CEP250: variants seen among roughly 807,000 people sequenced by gnomAD.
CEP250 encodes the protein centrosomal protein 250.
Under a neutral mutation model 315.7 loss-of-function variants are expected in CEP250, and 242 were observed. The ratio of observed to expected loss-of-function variants is 0.77; its 90% CI spans 0.69 to 0.85. The LOEUF is 0.85. CEP250 is among the 40% of genes least tolerant of loss of function. The probability of loss-of-function intolerance (pLI) is 0.00; values close to 1 mark genes in which losing one functional copy is unlikely to be tolerated. For synonymous variants in CEP250, 1,088 were observed against 1,175.0 expected, an observed-to-expected ratio of 0.93 and a Z score of 1.51; for missense variants, 2,515 against 2,886.4, an observed-to-expected ratio of 0.87 and a Z score of 2.95.
intron 23 of CEP250, among the ~76,000 whole-genome samples, 175 bp downstream of exon 23, chr20:35,493,747 C>T (rs2063761434): frequency 1.3e-5 from 2 of 152,180 alleles, no homozygotes; most frequent in Admixed American, 6.5e-5. Flanking sequence ...GAGCATGTGC[C>T]TGGCAGAGCC....
At position 35,475,508 on chromosome 20, in the gene CEP250, G is replaced by A. The variant is rs780153353; in HGVS notation, c.1578G>A (p.Glu526=). 7.4e-6 allele frequency: 12 copies of A among 1,614,078 alleles called. No individual in the cohort carries two copies. In the East Asian group the frequency reaches 2.7e-4, roughly 36 times the overall value. The change falls in exon 15 of 35, where the codon GAG becomes GAA. Residue 526 remains glutamate (E), a synonymous_variant. Coordinates refer to ENST00000397527, the MANE Select transcript of CEP250 (RefSeq NM_007186.6). ...LAVRERERLQ[E]MLMGLEAKQS... ...CCTCTCTTTCCCATCTTAGTCAGGA[G>A]ATGCTGATGGGCCTGGAAGCCAAAC...
At chr20:35,460,919 TAGC>T (rs766515462) in intron 3 of CEP250, among the ~76,000 whole-genome samples, 14 of 152,194 alleles carry the variant, frequency 9.2e-5, no homozygotes, top group Non-Finnish European at 1.5e-4. Context: ...ACTCATGGAT[TAGC>T]AGAGAAAATA....
intron 22 of CEP250, 138 bp downstream of exon 22, chr20:35,491,484 A>G: frequency 2.0e-6 from 2 of 979,612 alleles, no homozygotes; most frequent in South Asian, 1.6e-5. Flanking sequence ...AAGGTATGGC[A>G]CAGGCTGGGC....
intron 16 of CEP250, among the ~76,000 whole-genome samples, chr20:35,477,465 T>C (rs2063206273): frequency 1.3e-5 from 2 of 152,198 alleles, no homozygotes; most frequent in African/African-American, 4.8e-5. Flanking sequence ...TAAGTCTAGG[T>C]TGTTAATCCT....
chr20:35,479,332 G>T lies in CEP250; in HGVS notation c.2196G>T (p.Glu732Asp), dbSNP rs1200138081. ...EVLARAVQEK[E>D]ALVREKAALE... is the part of the protein sequence containing the mutation. ...TTGCCAGGGCAGTCCAGGAGAAGGA[G>T]GCCCTAGTACGAGAGAAAGCGGCTC... is the stretch of plus-strand genomic sequence containing the variant. The change falls in exon 18 of 35, where the codon GAG becomes GAT. Residue 732 changes from glutamate to aspartate, a missense_variant. By Grantham distance (45) the Glu-to-Asp change is conservative (BLOSUM62 2). Transcript: ENST00000397527. 1 of 1,614,228 alleles carries T rather than the reference G, an allele frequency of 6.2e-7. No homozygotes were observed. Among genetic ancestry groups the T allele is most frequent in the South Asian group, 1.1e-5 (1 of 91,088 alleles).
chr20:35,498,819 T>C (rs1319313601), intron 27 of CEP250, 103 bp downstream of exon 27: 27 of 1,349,526 alleles, frequency 2.0e-5, no homozygotes, highest in Non-Finnish European at 2.7e-5. Context: ...TGAGATCAAG[T>C]TGGGATGAGT....
intron 11 of CEP250, 148 bp from the exon 12 acceptor site, chr20:35,472,525 C>A (rs902072963): frequency 8.6e-6 from 7 of 809,480 alleles, no homozygotes; most frequent in Non-Finnish European, 1.2e-5. Flanking sequence ...AGGAACCAGA[C>A]TTTTATGCTC....
intron 9 of CEP250, 70 bp from the exon 10 acceptor site, chr20:35,469,820 G>A (rs1489888047): frequency 3.0e-6 from 3 of 999,002 alleles, no homozygotes; most frequent in Non-Finnish European, 4.5e-6. Context: ...TGGGGCTGGG[G>A]TGTGCTGCAT....
rs942925259 is a variant in CEP250, at chr20:35,467,599, C to G, written c.851+44C>G. 10 of 1,599,398 alleles carry G rather than the reference C, an allele frequency of 6.3e-6. No individual in the cohort carries two copies. In the African/African-American group the frequency reaches 1.2e-4, roughly 20 times the overall value. ...CCAAGAAGGGTTCGCTGAGAGAGAG[C>G]TGACTCCTTTAGAGGGTTAGGGACA... On this transcript the variant is annotated intron_variant, in intron 9 of 34. Coordinates refer to ENST00000397527, the MANE Select transcript of CEP250 (RefSeq NM_007186.6).
rs1415310769 is a variant in CEP250, at chr20:35,512,987, C to T, written c.*1361C>T. 2 of 152,374 alleles carry T rather than the reference C, an allele frequency of 1.3e-5. No homozygotes were observed. The highest frequency in any genetic ancestry group is 2.9e-5 in the Non-Finnish European group (2 of 68,152). The allele number at this position is 152,374 out of a possible 1,614,324, so 9.4% of individuals were successfully genotyped here. A position where few individuals can be genotyped will look rare whatever the true frequency, so the allele number is the denominator to read the frequency against. On this transcript the variant is annotated 3_prime_UTR_variant, in exon 35 of 35. Transcript: ENST00000397527. ...GCCAAGAATCTGGGAGGGGTAAGAG[C>T]AGCACCCACTCACCCAGACCTCCTA...
chr20:35,466,949 G>A lies in CEP250; in HGVS notation c.493-17G>A. 6.4e-7 allele frequency: 1 copy of A among 1,562,062 alleles called. No homozygotes were observed. Among genetic ancestry groups the A allele is most frequent in the South Asian group, 1.1e-5 (1 of 90,048 alleles). Reference sequence around the variant, plus strand: ...GCCCTCTGCCTTTGGGTATGACCTGGGTTTCTGAACACACAGTTCTTCAAG... The same window carrying A: ...GCCCTCTGCCTTTGGGTATGACCTGAGTTTCTGAACACACAGTTCTTCAAG... On this transcript the variant is annotated splice_polypyrimidine_tract_variant and intron_variant, in intron 7 of 34. Coordinates refer to ENST00000397527, the MANE Select transcript of CEP250 (RefSeq NM_007186.6).
At position 35,504,277 on chromosome 20, in the gene CEP250, C is replaced by T; in HGVS notation, c.5908C>T (p.Leu1970Phe). ...CCGGGCTGAGGCTCTGCAGGAGGCC[C>T]TTGGCAAGGCTCATGCTGCCCTGCA... ...RARAEALQEA[L>F]GKAHAALQGK... Residue 1970 changes from leucine (L) to phenylalanine (F), a missense_variant, in exon 30 of 35, where the codon CTT (leucine) becomes TTT (phenylalanine). Physicochemically the swap from Leu to Phe is conservative, Grantham distance 22. Transcript: ENST00000397527. 1 of 1,590,104 alleles carries T rather than the reference C, an allele frequency of 6.3e-7. No individual in the cohort carries two copies. Among genetic ancestry groups the T allele is most frequent in the South Asian group, 1.1e-5 (1 of 88,284 alleles).
At position 35,503,658 on chromosome 20, in the gene CEP250, C is replaced by T; in HGVS notation, c.5289C>T (p.His1763=). 1 of 1,614,060 alleles carries T rather than the reference C, an allele frequency of 6.2e-7. No homozygotes were observed. Among genetic ancestry groups the T allele is most frequent in the East Asian group, 2.2e-5 (1 of 44,876 alleles). ...TGGAGCAGCAGCTCCAGGGCCTGCACAGGAAGGTAGGTGAGACCAGCCTCC... is the reference window on the plus strand; with the variant it reads ...TGGAGCAGCAGCTCCAGGGCCTGCATAGGAAGGTAGGTGAGACCAGCCTCC... ...DQLEQQLQGL[H]RKVGETSLLL... The change falls in exon 30 of 35, where the codon CAC becomes CAT. Residue 1763 remains histidine, a synonymous_variant. Transcript: ENST00000397527. This position sits in a 1 kb window ranked among gnomAD's most constrained non-coding sequence, Gnocchi z 4.2.
chr20:35,496,658 T>G lies in CEP250; in HGVS notation c.3249T>G (p.Ser1083Arg). The change falls in exon 25 of 35, where the codon AGT (serine) becomes AGG (arginine). Residue 1083 changes from serine (S) to arginine (R), a missense_variant. Physicochemically the swap from Ser to Arg is moderately radical, Grantham distance 110 (BLOSUM62 -1). Coordinates refer to ENST00000397527, the MANE Select transcript of CEP250 (RefSeq NM_007186.6). ...ACTCTATTCGACAACAAGAGCTGAGTGCCCTGCGCCAGGACATGCAGGAGG... is the reference window on the plus strand; with the variant it reads ...ACTCTATTCGACAACAAGAGCTGAGGGCCCTGCGCCAGGACATGCAGGAGG... The part of the protein sequence containing the change: ...EADSIRQQEL[S>R]ALRQDMQEAQ... 6.2e-7 allele frequency: 1 copy of G among 1,614,054 alleles called. No homozygotes were observed. Among genetic ancestry groups the G allele is most frequent in the Non-Finnish European group, 8.5e-7 (1 of 1,179,992 alleles).
chr20:35,498,605 A>T lies in CEP250; in HGVS notation c.3666A>T (p.Gly1222=). The change falls in exon 27 of 35, where the codon GGA becomes GGT. Residue 1222 remains glycine (G), a synonymous_variant. Coordinates refer to ENST00000397527, the MANE Select transcript of CEP250 (RefSeq NM_007186.6). ...TCCTCATTTTTTCAGACCAGAATGG[A>T]GCTAGGAGCCTCTTTAAGAGAGGGC... ...SVWGLEPDQN[G]ARSLFKRGPL... 1 of 1,604,682 alleles carries T rather than the reference A, an allele frequency of 6.2e-7. No homozygotes were observed. The highest frequency in any genetic ancestry group is 8.5e-7 in the Non-Finnish European group (1 of 1,177,578).
At chr20:35,467,795 A>G (rs2062924976) in intron 9 of CEP250, among the ~76,000 whole-genome samples, 1 of 151,978 alleles carries the variant, frequency 6.6e-6, no homozygotes, top group Non-Finnish European at 1.5e-5. Flanking sequence ...CTATGACTCC[A>G]TCCTCCATCA....
chr20:35,476,837 G>A (rs1294157817), intron 16 of CEP250, among the ~76,000 whole-genome samples: 1 of 152,148 alleles, frequency 6.6e-6, no homozygotes, highest in Admixed American at 6.5e-5. Context: ...TCCTCTGGAA[G>A]GAAGACTAGG....
At chr20:35,501,656 A>C (rs542776977) in intron 28 of CEP250, among the ~76,000 whole-genome samples, 189 bp from the exon 29 acceptor site, 120 of 152,268 alleles carry the variant, frequency 7.9e-4, no homozygotes, top group Non-Finnish European at 1.4e-3. Flanking sequence ...CCAGGCAAAT[A>C]GAAGCAGCTG....
Position 35,469,983 on chromosome 20 carries a change from C to T in CEP250, c.945C>T (p.Ile315=). Residue 315 remains isoleucine, a synonymous_variant, in exon 10 of 35, where the codon ATC becomes ATT. Coordinates refer to ENST00000397527, the MANE Select transcript of CEP250 (RefSeq NM_007186.6). ...MIKALRETVE[I]LETNHTELME... ...AGGCTCTGAGAGAGACAGTGGAGAT[C>T]CTGGTACATGATCCTTTGCTCTGGA... 6.2e-7 allele frequency: 1 copy of T among 1,608,064 alleles called. No individual in the cohort carries two copies. Among genetic ancestry groups the T allele is most frequent in the Middle Eastern group, 1.7e-4 (1 of 6,054 alleles).
Sources: gnomAD v4.1 joint callset for allele counts (sites outside exome capture counted in the v4.1 genomes callset) on GRCh38, gnomAD v4.1.1 for gene constraint, Gnocchi (gnomAD v3.1) non-coding constraint, MANE v1.5 for transcripts, NCBI Gene and HGNC (gene_info 2026-07-23, HGNC 2026-07-21) for gene names.